Variants in BTBD10 observed in about 807,000 individuals in gnomAD.
The protein encoded by BTBD10 is BTB domain containing 10, also known as BTB/POZ domain-containing protein 10.
Under a neutral mutation model 53.2 loss-of-function variants are expected in BTBD10, and 21 were observed. The ratio of observed to expected loss-of-function variants is 0.39; its 90% confidence interval spans 0.28 to 0.57. The LOEUF is 0.57. BTBD10 is among the 20% of genes least tolerant of loss of function. The pLI is 0.53. For synonymous variants in BTBD10, 149 were observed against 192.7 expected (o/e 0.77, Z 1.88); for missense variants, 360 against 594.7 (o/e 0.61, Z 4.10).
chr11:13,459,918 C>T (rs1186452025), intron 1 of BTBD10, among the ~76,000 whole-genome samples: 1 of 152,232 alleles, frequency 6.6e-6, no homozygotes, highest in Non-Finnish European at 1.5e-5. Flanking sequence ...GAACTTCCTA[C>T]TTTATGAGTC....
At chr11:13,436,938 A>G (rs1179576160) in intron 2 of BTBD10, among the ~76,000 whole-genome samples, 2 of 152,104 alleles carry the variant, frequency 1.3e-5, no homozygotes, top group Non-Finnish European at 2.9e-5. Context: ...GTGCACCAAC[A>G]TGCCCAGCTA....
intron 6 of BTBD10, among the ~76,000 whole-genome samples, chr11:13,413,179 G>A (rs1403055136): frequency 2.0e-5 from 3 of 151,998 alleles, no homozygotes; most frequent in African/African-American, 7.3e-5. Context: ...ATAAATTTTT[G>A]GATGATGTAA....
rs183456574 is a variant in BTBD10 at position 13,396,696 on chromosome 11, T to G, written c.1117+6472A>C. Among the ~76,000 whole-genome samples the G allele has an allele frequency of 3.6e-3, 543 of 152,340 alleles. 12 individuals are homozygous for G. Among genetic ancestry groups the G allele is most frequent in the East Asian group, 4.8e-3 (25 of 5,186 alleles). ...GTGGGTTTGTCATAGATAGCTCTTATTATTTTGAGATACGTTCCATCAATA... is the reference window on the plus strand; with the variant it reads ...GTGGGTTTGTCATAGATAGCTCTTAGTATTTTGAGATACGTTCCATCAATA... On this transcript the variant is annotated intron_variant, in intron 8 of 8. Transcript: ENST00000278174.
At chr11:13,398,080 C>G (rs1297765584) in intron 8 of BTBD10, among the ~76,000 whole-genome samples, 1 of 152,144 alleles carries the variant, frequency 6.6e-6, no homozygotes, top group African/African-American at 2.4e-5. Context: ...GAGCTGAGTT[C>G]AATTCCTGGA....
intron 6 of BTBD10, among the ~76,000 whole-genome samples, chr11:13,410,350 A>G (rs942188026): frequency 1.3e-5 from 2 of 152,162 alleles, no homozygotes; most frequent in Admixed American, 6.5e-5. Flanking sequence ...AAAAAGCCAA[A>G]GGAAGGGAGA....
chr11:13,438,947 A>G (rs1591157503), intron 2 of BTBD10, among the ~76,000 whole-genome samples: 3 of 152,174 alleles, frequency 2.0e-5, no homozygotes, highest in South Asian at 4.1e-4. Context: ...AAAAAAGTCA[A>G]TACAAGATAC....
At chr11:13,410,155 T>C (rs1027407594) in intron 6 of BTBD10, among the ~76,000 whole-genome samples, 4 of 151,786 alleles carry the variant, frequency 2.6e-5, no homozygotes, top group African/African-American at 9.7e-5. Context: ...TGAAATAAAA[T>C]TTAAAAAAAA....
intron 1 of BTBD10, among the ~76,000 whole-genome samples, chr11:13,449,282 C>A (rs921670333): frequency 1.3e-5 from 2 of 152,080 alleles, no homozygotes; most frequent in Non-Finnish European, 2.9e-5. Context: ...ACCACTTATT[C>A]TATTTTCACT....
At chr11:13,403,319 G>C in intron 7 of BTBD10, 41 bp from the exon 8 acceptor site, 1 of 1,148,500 alleles carries the variant, frequency 8.7e-7, no homozygotes. Context: ...TAAAATTAAA[G>C]GATTTAGAGA....
intron 8 of BTBD10, among the ~76,000 whole-genome samples, chr11:13,389,876 A>C (rs1410353214): frequency 6.6e-6 from 1 of 152,182 alleles, no homozygotes; most frequent in Admixed American, 6.5e-5. Flanking sequence ...AAAAAGCTGT[A>C]CAGCTGTCCA....
chr11:13,403,076 A>T (rs953338153), intron 8 of BTBD10, 92 bp downstream of exon 8: 4 of 806,148 alleles, frequency 5.0e-6, no homozygotes, highest in Non-Finnish European at 7.8e-6. Context: ...TTTTTCTCAA[A>T]GTATTCCAAC....
intron 5 of BTBD10, among the ~76,000 whole-genome samples, chr11:13,416,235 T>TC (rs1950107073): frequency 6.6e-6 from 1 of 151,676 alleles, no homozygotes; most frequent in Admixed American, 6.6e-5. Context: ...ACACCTATGG[T>TC]CCCAGCTACT....
chr11:13,434,158 T>G (rs1011943773), intron 2 of BTBD10, among the ~76,000 whole-genome samples: 4 of 152,200 alleles, frequency 2.6e-5, no homozygotes, highest in Non-Finnish European at 4.4e-5. Flanking sequence ...TTAATACTAT[T>G]TCTAAATCCT....
Position 13,445,089 on chromosome 11 carries a change from G to A in BTBD10, c.36C>T (p.Ser12=). ...TCCGATCCCAATTCTCTGGATCACT[G>A]GAGTTACCATCATAGGGATGAGGCC... ...AGRPHPYDGN[S]SDPENWDRKL... is the part of the protein sequence containing the mutation. The change falls in exon 2 of 9, where the codon TCC becomes TCT. Residue 12 remains serine, a synonymous_variant. Transcript: ENST00000278174. The A allele has an allele frequency of 6.2e-7, 1 of 1,613,260 alleles. No homozygotes were observed. Among genetic ancestry groups the A allele is most frequent in the Non-Finnish European group, 8.5e-7 (1 of 1,179,440 alleles).
intron 1 of BTBD10, 72 bp from the exon 2 acceptor site, chr11:13,445,253 C>T: frequency 1.9e-6 from 1 of 528,346 alleles, no homozygotes; most frequent in Non-Finnish European, 3.3e-6. Flanking sequence ...ATTGTACAGA[C>T]TTGATATTAT....
At chr11:13,446,667 G>T (rs555683097) in intron 1 of BTBD10, among the ~76,000 whole-genome samples, 1 of 152,140 alleles carries the variant, frequency 6.6e-6, no homozygotes, top group Non-Finnish European at 1.5e-5. Context: ...GAATGCTCCT[G>T]GAAAAGGAAG....
At chr11:13,412,150 G>A (rs1949967876) in intron 6 of BTBD10, among the ~76,000 whole-genome samples, 1 of 151,430 alleles carries the variant, frequency 6.6e-6, no homozygotes, top group Non-Finnish European at 1.5e-5. Flanking sequence ...ATTTTTTTAA[G>A]ATGTGAAAAA....
chr11:13,389,535 C>G (rs1949351777), intron 8 of BTBD10, among the ~76,000 whole-genome samples: 1 of 151,698 alleles, frequency 6.6e-6, no homozygotes, highest in Admixed American at 6.6e-5. Context: ...TCAAGCAATT[C>G]TCCCACCTCA....
At position 13,457,666 on chromosome 11, in the gene BTBD10, G is replaced by A. The variant is rs1037242299; in HGVS notation, c.-58+5426C>T. 1.3e-5 allele frequency among the ~76,000 whole-genome samples: 2 copies of A among 152,140 alleles called. 1 individual carries two copies. The highest frequency in any genetic ancestry group is 4.1e-4 in the South Asian group (2 of 4,832). On this transcript the variant is annotated intron_variant, in intron 1 of 8. Coordinates refer to ENST00000278174, the MANE Select transcript of BTBD10 (RefSeq NM_032320.7). ...CCTATATGGGCAGAGTAGGACTGGG[G>A]TGAAGGTAATAGGGATGTAATCAAG...
Sources: allele counts gnomAD v4.1 joint callset (sites outside exome capture counted in the v4.1 genomes callset), GRCh38; gene constraint gnomAD v4.1.1; transcripts MANE v1.5; gene names NCBI Gene and HGNC (gene_info 2026-07-23, HGNC 2026-07-21).